The following RASGEF1C variants were observed in gnomAD, a reference collection of about 807,000 sequenced individuals.
The protein encoded by RASGEF1C is RasGEF domain family member 1C, also known as ras-GEF domain-containing family member 1C.
RASGEF1C carries 27 observed loss-of-function variants against 58.1 expected under a neutral mutation model. The ratio of observed to expected loss-of-function variants is 0.46; its 90% CI spans 0.34 to 0.64. The LOEUF (loss-of-function observed/expected upper bound fraction) is 0.64. Ranked by LOEUF, RASGEF1C falls within the 30% of genes least tolerant of loss-of-function variation. The pLI, the probability that RASGEF1C is intolerant of heterozygous loss-of-function variation, is 0.01. For synonymous variants in RASGEF1C, 243 were observed against 246.3 expected (o/e 0.99, Z 0.13); for missense variants, 502 against 605.1 (o/e 0.83, Z 1.79).
rs183972973 is a variant in RASGEF1C at position 180,180,878 on chromosome 5, T to C, written c.-7+28150A>G. ...CCTGAAAAGTCCACCTGTGCCCCTCTTCACCCACTAACCCTTTAATTTCAA... is the reference window on the plus strand; with the variant it reads ...CCTGAAAAGTCCACCTGTGCCCCTCCTCACCCACTAACCCTTTAATTTCAA... On this transcript the variant is annotated intron_variant, in intron 1 of 13. Coordinates refer to ENST00000361132, the MANE Select transcript of RASGEF1C (RefSeq NM_175062.4). Among the ~76,000 whole-genome samples the C allele has an allele frequency of 6.6e-4, 101 of 152,322 alleles. 1 individual carries two copies. Among genetic ancestry groups the C allele is most frequent in the African/African-American group, 2.0e-3 (83 of 41,578 alleles).
intron 8 of RASGEF1C, 69 bp downstream of exon 8, chr5:180,119,276 TG>T: frequency 7.6e-7 from 1 of 1,313,008 alleles, no homozygotes; most frequent in Non-Finnish European, 1.1e-6. Context: ...TCTGCCTGCC[TG>T]GCTGCACCCA....
chr5:180,121,504 G>A (rs149661399), intron 6 of RASGEF1C, among the ~76,000 whole-genome samples: 2,163 of 152,116 alleles, frequency 0.014, 58 homozygotes, highest in African/African-American at 0.05. Flanking sequence ...TAGTGGAGAC[G>A]GGGTTTCACT....
At chr5:180,171,007 G>C (rs1767099690) in intron 1 of RASGEF1C, among the ~76,000 whole-genome samples, 2 of 152,200 alleles carry the variant, frequency 1.3e-5, no homozygotes, top group Admixed American at 1.3e-4. Context: ...GAATCCCAGA[G>C]AGCATGCAGA....
At chr5:180,119,558 T>G in intron 7 of RASGEF1C, 110 bp from the exon 8 acceptor site, 1 of 738,312 alleles carries the variant, frequency 1.4e-6, no homozygotes, top group Non-Finnish European at 2.3e-6. Flanking sequence ...ATTGCACAGC[T>G]GAGGCACTTG....
intron 1 of RASGEF1C, among the ~76,000 whole-genome samples, chr5:180,172,045 C>G (rs1187482112): frequency 6.6e-6 from 1 of 152,220 alleles, no homozygotes; most frequent in East Asian, 1.9e-4. Flanking sequence ...GCACTTCTAC[C>G]CTTACATTCA....
chr5:180,141,848 T>A (rs1051987752), intron 1 of RASGEF1C, among the ~76,000 whole-genome samples: 2 of 152,012 alleles, frequency 1.3e-5, no homozygotes, highest in Admixed American at 1.3e-4. Flanking sequence ...TAGCTGGGAT[T>A]ACAGGTGCCC....
chr5:180,111,272 C>T (rs1055775170), intron 12 of RASGEF1C, among the ~76,000 whole-genome samples, 185 bp downstream of exon 12: 1 of 152,172 alleles, frequency 6.6e-6, no homozygotes, highest in Non-Finnish European at 1.5e-5. Context: ...CAGGCCCATC[C>T]TGTACTCCTG....
At chr5:180,132,055 T>C (rs561352419) in intron 4 of RASGEF1C, among the ~76,000 whole-genome samples, 5 of 152,288 alleles carry the variant, frequency 3.3e-5, no homozygotes, top group African/African-American at 1.2e-4. Context: ...GAGATCTCGC[T>C]GGTAGATAAG....
intron 1 of RASGEF1C, among the ~76,000 whole-genome samples, chr5:180,142,193 T>G (rs1253037582): frequency 6.6e-6 from 1 of 152,122 alleles, no homozygotes; most frequent in African/African-American, 2.4e-5. Context: ...TCTCCCTCTG[T>G]CTGCCTCGTT....
chr5:180,191,585 TG>T (rs1373686928), intron 1 of RASGEF1C, among the ~76,000 whole-genome samples: 1 of 152,014 alleles, frequency 6.6e-6, no homozygotes, highest in Admixed American at 6.6e-5. Context: ...CTCCATCTCC[TG>T]ACCTCGTGAT....
intron 6 of RASGEF1C, among the ~76,000 whole-genome samples, chr5:180,127,145 G>A (rs1766275961): frequency 6.6e-6 from 1 of 152,152 alleles, no homozygotes; most frequent in African/African-American, 2.4e-5. Flanking sequence ...GCTGTGTCCT[G>A]AGCACCGGGA....
chr5:180,195,884 C>T (rs1756266313), intron 1 of RASGEF1C, among the ~76,000 whole-genome samples: 1 of 152,156 alleles, frequency 6.6e-6, no homozygotes. Context: ...AGATCCTCCC[C>T]GTCCAGGTCC....
At chr5:180,167,524 A>C (rs184920967) in intron 1 of RASGEF1C, among the ~76,000 whole-genome samples, 64 of 152,260 alleles carry the variant, frequency 4.2e-4, no homozygotes, top group African/African-American at 1.5e-3. Context: ...AAATTAATTA[A>C]ATAAAATTTT....
At chr5:180,182,204 CAAAAAAAAAAAAAA>C (rs1156831010) in intron 1 of RASGEF1C, among the ~76,000 whole-genome samples, 3 of 22,758 alleles carry the variant, frequency 1.3e-4, no homozygotes, top group South Asian at 2.5e-3. Context: ...GACTCCGTCT[CAAAAAAAAAAAAAA>C]AAAAAAAAAA....
At chr5:180,102,039 C>T (rs62405051) in intron 13 of RASGEF1C, 32 bp downstream of exon 13, 10 of 1,044,894 alleles carry the variant, frequency 9.6e-6, no homozygotes, top group Non-Finnish European at 1.4e-5. Context: ...TCCCAAGCAG[C>T]CCCCAGGCCC....
intron 1 of RASGEF1C, among the ~76,000 whole-genome samples, chr5:180,152,838 G>A (rs2113293659): frequency 6.7e-6 from 1 of 150,196 alleles, no homozygotes; most frequent in African/African-American, 2.5e-5. Flanking sequence ...TTGAACCCGA[G>A]AGGCGGAAGT....
chr5:180,142,703 GGTGCGGATGGTGGGA>G (rs948099619), intron 1 of RASGEF1C, among the ~76,000 whole-genome samples: 3 of 152,110 alleles, frequency 2.0e-5, no homozygotes, highest in African/African-American at 7.2e-5. Flanking sequence ...AGGAGAGAAA[GGTGCGGATGGTGGGA>G]ATGACATTCA....
At chr5:180,103,780 C>G (rs1765835300) in intron 12 of RASGEF1C, among the ~76,000 whole-genome samples, 2 of 152,222 alleles carry the variant, frequency 1.3e-5, no homozygotes, top group South Asian at 4.1e-4. Context: ...AGCATTAAAT[C>G]TTCTGCTGTT....
At chr5:180,167,685 G>A (rs560057106) in intron 1 of RASGEF1C, among the ~76,000 whole-genome samples, 70 of 152,252 alleles carry the variant, frequency 4.6e-4, no homozygotes, top group African/African-American at 1.5e-3. Context: ...GTCTCTGTCC[G>A]ATAATCCCAA....
Sources: allele counts gnomAD v4.1 joint callset (sites outside exome capture counted in the v4.1 genomes callset), GRCh38; gene constraint gnomAD v4.1.1; transcripts MANE v1.5; gene names NCBI Gene and HGNC (gene_info 2026-07-23, HGNC 2026-07-21).